Variants in NDUFA5 observed in about 807,000 individuals in gnomAD.
NDUFA5 encodes NADH:ubiquinone oxidoreductase subunit A5.
A neutral mutation model predicts 19.8 loss-of-function variants in NDUFA5; 11 were observed. The ratio of observed to expected loss-of-function variants is 0.56; its 90% confidence interval spans 0.35 to 0.92. The LOEUF is 0.92. Ranked by LOEUF, NDUFA5 falls within the 40% of genes least tolerant of loss-of-function variation. NDUFA5 has a pLI of 0.01. For missense variants in NDUFA5, 109 were observed against 134.2 expected (o/e 0.81, Z 0.93); for synonymous variants, 47 against 46.8 (o/e 1.00, Z -0.01).
chr7:123,547,099 A>C (rs1439035142), intron 3 of NDUFA5, among the ~76,000 whole-genome samples: 1 of 152,182 alleles, frequency 6.6e-6, no homozygotes, highest in Non-Finnish European at 1.5e-5. Context: ...CCAGAAGCTG[A>C]AAGAGGCAAG....
chr7:123,557,020 A>G (rs1019584086), intron 2 of NDUFA5: 2 of 482,856 alleles, frequency 4.1e-6, no homozygotes, highest in African/African-American at 3.9e-5. Context: ...TAACAGAAGG[A>G]AAAGGGGGCA....
chr7:123,584,869 G>A, the NDUFA5 span: 6 of 151,894 alleles, frequency 4.0e-5, no homozygotes, highest in Non-Finnish European at 7.4e-5. Context: ...TTTCCTGGGT[G>A]AGAGTCAATA....
At chr7:123,558,042 C>G (rs189887236), upstream of NDUFA5, 5 of 619,556 alleles carry the variant, frequency 8.1e-6, no homozygotes, top group Non-Finnish European at 1.4e-5. Flanking sequence ...TCCCAGCTGT[C>G]TGTTCCTGTT....
upstream of NDUFA5, among the ~76,000 whole-genome samples, chr7:123,560,371 A>G (rs1261409495): frequency 1.3e-5 from 2 of 152,240 alleles, no homozygotes; most frequent in Admixed American, 1.3e-4. Context: ...AGTCATCCAG[A>G]AGAGACAGGA....
chr7:123,550,618 G>C (rs1221185606), intron 2 of NDUFA5, 32 bp from the exon 3 acceptor site: 1 of 1,288,966 alleles, frequency 7.8e-7, no homozygotes, highest in African/African-American at 1.5e-5. Context: ...ATTTCCATAG[G>C]TTAAAATATT....
chr7:123,572,131 C>CTTTTTTT, the NDUFA5 span, among the ~76,000 whole-genome samples: 3 of 47,994 alleles, frequency 6.3e-5, no homozygotes, highest in African/African-American at 8.8e-5. Context: ...TGTAGAATTT[C>CTTTTTTT]TTTTTTTTTT....
At chr7:123,567,719 G>A in the NDUFA5 span, among the ~76,000 whole-genome samples, 1 of 152,032 alleles carries the variant, frequency 6.6e-6, no homozygotes, top group Non-Finnish European at 1.5e-5. Flanking sequence ...CAGGGGACAG[G>A]TAATGCTTAG....
the NDUFA5 span, among the ~76,000 whole-genome samples, chr7:123,574,057 T>C: frequency 6.6e-6 from 1 of 152,182 alleles, no homozygotes; most frequent in Admixed American, 6.5e-5. Context: ...CTGTTAAAAG[T>C]GATAGCAGTC....
the NDUFA5 span, among the ~76,000 whole-genome samples, chr7:123,570,866 A>G: frequency 6.6e-6 from 1 of 152,164 alleles, no homozygotes; most frequent in Admixed American, 6.6e-5. Context: ...TCTCTTCAAA[A>G]TCACTAAAAC....
chr7:123,555,072 T>C (rs1027124525), intron 2 of NDUFA5: 2 of 152,212 alleles, frequency 1.3e-5, no homozygotes, highest in African/African-American at 4.8e-5. Context: ...TTTGGTACTA[T>C]ATGTGGTTTT....
the NDUFA5 span, among the ~76,000 whole-genome samples, chr7:123,598,222 T>A: frequency 1.3e-5 from 2 of 152,168 alleles, no homozygotes; most frequent in Non-Finnish European, 2.9e-5. Context: ...AGACTATAAG[T>A]CCTGTATCTG....
chr7:123,550,609 T>G (rs768151252), intron 2 of NDUFA5, 23 bp from the exon 3 acceptor site: 1 of 1,401,452 alleles, frequency 7.1e-7, no homozygotes, highest in Non-Finnish European at 1.0e-6. Context: ...ACCATACAAA[T>G]TTCCATAGGT....
chr7:123,595,897 C>T, the NDUFA5 span, among the ~76,000 whole-genome samples: 1 of 152,152 alleles, frequency 6.6e-6, no homozygotes, highest in Admixed American at 6.6e-5. Context: ...AACAGCTTAA[C>T]CAAACCTCAA....
the NDUFA5 span, among the ~76,000 whole-genome samples, chr7:123,570,051 T>C: frequency 7.9e-6 from 1 of 126,016 alleles, no homozygotes; most frequent in South Asian, 2.3e-4. Flanking sequence ...TTTTTTTTTT[T>C]TGAGACGGAG....
chr7:123,574,364 C>T, the NDUFA5 span, among the ~76,000 whole-genome samples: 1 of 152,132 alleles, frequency 6.6e-6, no homozygotes, highest in African/African-American at 2.4e-5. Flanking sequence ...GTCGGAATCA[C>T]CTGAGGACTT....
rs1195046696 is a variant in NDUFA5 at position 123,539,145 on chromosome 7, G to A, written c.*2974C>T. 9 of 152,222 alleles carry A rather than the reference G, an allele frequency of 5.9e-5. No homozygotes were observed. Among genetic ancestry groups the A allele is most frequent in the African/African-American group, 1.4e-4 (6 of 41,436 alleles). 9.4% of individuals were successfully genotyped at this position (152,222 alleles called of 1,614,324 possible). On this transcript the variant is annotated 3_prime_UTR_variant, in exon 5 of 5. Coordinates refer to ENST00000355749, the MANE Select transcript of NDUFA5 (RefSeq NM_005000.5). Reference sequence around the variant, plus strand: ...TTCATTCTATTCCAATGACAGACTAGTTGATCCTACTGGTGTGGGAAAGAT... The same window carrying A: ...TTCATTCTATTCCAATGACAGACTAATTGATCCTACTGGTGTGGGAAAGAT...
chr7:123,594,727 G>T, the NDUFA5 span, among the ~76,000 whole-genome samples: 1 of 152,144 alleles, frequency 6.6e-6, no homozygotes, highest in Admixed American at 6.5e-5. Flanking sequence ...TCCCTGTCAG[G>T]CTACACGGGG....
chr7:123,557,559 G>C, intron 1 of NDUFA5, 111 bp from the exon 2 acceptor site: 1 of 1,611,738 alleles, frequency 6.2e-7, no homozygotes, highest in South Asian at 1.1e-5. Flanking sequence ...TCTAAAGCCA[G>C]CTACTGGTCT....
intron 2 of NDUFA5, among the ~76,000 whole-genome samples, chr7:123,552,757 C>G (rs1162663681): frequency 6.6e-6 from 1 of 151,770 alleles, no homozygotes; most frequent in Admixed American, 6.6e-5. Context: ...ACACACAGTC[C>G]TCCTCCACAA....
Sources: allele counts gnomAD v4.1 joint callset (sites outside exome capture counted in the v4.1 genomes callset), GRCh38; gene constraint gnomAD v4.1.1; transcripts MANE v1.5; gene names NCBI Gene and HGNC (gene_info 2026-07-23, HGNC 2026-07-21).